MED13: variants seen among roughly 807,000 people sequenced by gnomAD.
MED13 encodes the protein mediator complex subunit 13.
MED13 carries 23 observed loss-of-function variants against 225.2 expected under a neutral mutation model. The observed-to-expected ratio is 0.10, with a 90% confidence interval of 0.07 to 0.14. MED13 has a LOEUF of 0.14. Among genes scored for constraint, MED13 ranks in the 10% least tolerant of loss-of-function variants. MED13 has a pLI of 1.00. For missense variants in MED13, 2,197 were observed against 2,594.5 expected (o/e 0.85, Z 3.33); for synonymous variants, 942 against 889.2 (o/e 1.06, Z -1.06).
At position 61,987,029 on chromosome 17, in the gene MED13, T is replaced by C. The variant is rs1260954299; in HGVS notation, c.2363A>G (p.Asn788Ser). 8.8e-6 allele frequency: 14 copies of C among 1,588,420 alleles called. No individual in the cohort carries two copies. The highest frequency in any genetic ancestry group is 1.7e-4 in the Middle Eastern group (1 of 6,010). The change falls in exon 12 of 30, where the codon AAT becomes AGT. Residue 788 changes from asparagine (N) to serine (S), a missense_variant. Asn to Ser is a conservative substitution (Grantham distance 46). Around this residue, in one of 12 missense-constraint regions of MED13, gnomAD observed 41 missense variants for 55.8 expected, o/e 0.73. Transcript: ENST00000397786. ...CACTGTTAGTTCATCTTCATCAGAATTGAAGAGATTATCAAGGTCAGTATA... is the reference window on the plus strand; with the variant it reads ...CACTGTTAGTTCATCTTCATCAGAACTGAAGAGATTATCAAGGTCAGTATA... ...VSYTDLDNLF[N>S]SDEDELTPGS...
At chr17:61,947,315 G>C (rs780010782) in intron 28 of MED13, among the ~76,000 whole-genome samples, 3 of 151,808 alleles carry the variant, frequency 2.0e-5, no homozygotes, top group Non-Finnish European at 2.9e-5. Flanking sequence ...TTACACGCAT[G>C]AGCCACTGTG....
chr17:62,011,205 C>T lies in MED13; in HGVS notation c.1312G>A (p.Gly438Arg). 6.2e-7 allele frequency: 1 copy of T among 1,608,458 alleles called. No homozygotes were observed. Among genetic ancestry groups the T allele is most frequent in the Non-Finnish European group, 8.5e-7 (1 of 1,177,894 alleles). Residue 438 changes from glycine to arginine, a missense_variant, in exon 9 of 30, where the codon GGA (glycine) becomes AGA (arginine). By Grantham distance (125) the Gly-to-Arg change is moderately radical. Transcript: ENST00000397786. ...RHKNLKSRNA[G>R]QQGQAPSLGQ... ...AAAGATGGTGCCTGTCCTTGTTGTC[C>T]AGCATTTCTTGACTTGAGATTTTTG...
At chr17:61,972,285 TCA>T (rs1260542858) in intron 17 of MED13, among the ~76,000 whole-genome samples, 1 of 152,238 alleles carries the variant, frequency 6.6e-6, no homozygotes, top group East Asian at 1.9e-4. Flanking sequence ...GCTACTCTGG[TCA>T]CAACCAGCAA....
chr17:62,014,886 T>C (rs1603402575), intron 8 of MED13, among the ~76,000 whole-genome samples: 1 of 152,194 alleles, frequency 6.6e-6, no homozygotes, highest in Admixed American at 6.5e-5. Context: ...CTAACACAGC[T>C]AGTATTGGAT....
chr17:61,997,449 C>T (rs1281145454), intron 9 of MED13, among the ~76,000 whole-genome samples: 5 of 152,138 alleles, frequency 3.3e-5, no homozygotes, highest in African/African-American at 1.2e-4. Context: ...TACCTCACCA[C>T]ATTAGACTCT....
chr17:61,976,159 C>A (rs2080154279), intron 16 of MED13, among the ~76,000 whole-genome samples: 2 of 152,248 alleles, frequency 1.3e-5, no homozygotes, highest in African/African-American at 4.8e-5. Context: ...TGGAAAAAAT[C>A]TAAATATCCA....
At chr17:61,979,547 G>T (rs560083130) in intron 16 of MED13, among the ~76,000 whole-genome samples, 29 of 152,024 alleles carry the variant, frequency 1.9e-4, no homozygotes, top group African/African-American at 6.8e-4. Flanking sequence ...GGGCTCAAAT[G>T]ATCTGCCTGC....
intron 8 of MED13, among the ~76,000 whole-genome samples, chr17:62,026,537 T>C (rs1038290642): frequency 7.2e-6 from 1 of 138,726 alleles, no homozygotes; most frequent in African/African-American, 2.7e-5. Flanking sequence ...TGGCACAAGA[T>C]AAGAATGCCT....
chr17:61,972,604 C>CAGTAGT, intron 17 of MED13, 123 bp downstream of exon 17: 1 of 881,068 alleles, frequency 1.1e-6, no homozygotes, highest in Non-Finnish European at 1.7e-6. Context: ...GATTGGACCA[C>CAGTAGT]AGTGGCCTTA....
At chr17:62,002,764 G>C (rs892062764) in intron 9 of MED13, among the ~76,000 whole-genome samples, 1 of 152,190 alleles carries the variant, frequency 6.6e-6, no homozygotes, top group Non-Finnish European at 1.5e-5. Flanking sequence ...TCTCACTCTA[G>C]TTTGGAGTGA....
chr17:61,961,156 G>C, intron 22 of MED13, 66 bp from the exon 23 acceptor site: 1 of 1,291,276 alleles, frequency 7.7e-7, no homozygotes, highest in Non-Finnish European at 1.1e-6. Context: ...CATTTAAAAT[G>C]TAATTCTTAT....
chr17:61,961,170 C>A, intron 22 of MED13, 80 bp from the exon 23 acceptor site: 1 of 1,175,712 alleles, frequency 8.5e-7, no homozygotes. Flanking sequence ...TTCTTATCTA[C>A]CCAATTATAA....
intron 17 of MED13, among the ~76,000 whole-genome samples, chr17:61,968,928 T>G (rs2080082791): frequency 6.6e-6 from 1 of 152,012 alleles, no homozygotes; most frequent in Admixed American, 6.5e-5. Context: ...ATTTTTAAAG[T>G]TTTTGTAGAG....
intron 20 of MED13, 99 bp downstream of exon 20, chr17:61,964,907 G>T: frequency 1.7e-6 from 2 of 1,153,656 alleles, no homozygotes; most frequent in Non-Finnish European, 2.4e-6. Flanking sequence ...CTGCAGTACA[G>T]CCTGCGCAAA....
At chr17:62,028,127 A>G (rs961784189) in intron 8 of MED13, among the ~76,000 whole-genome samples, 1 of 152,232 alleles carries the variant, frequency 6.6e-6, no homozygotes, top group South Asian at 2.1e-4. Flanking sequence ...ACTATTCACA[A>G]TAGCAAAGAC....
chr17:61,999,865 T>C (rs1359401942), intron 9 of MED13, among the ~76,000 whole-genome samples: 1 of 152,068 alleles, frequency 6.6e-6, no homozygotes, highest in African/African-American at 2.4e-5. Flanking sequence ...AAGACCAGCC[T>C]GGACAACATA....
chr17:62,059,517 C>G (rs2081021510), intron 2 of MED13, among the ~76,000 whole-genome samples: 1 of 152,214 alleles, frequency 6.6e-6, no homozygotes, highest in Non-Finnish European at 1.5e-5. Flanking sequence ...TTAGTTACCA[C>G]CTGGGTCCTT....
At chr17:62,036,447 C>G (rs2080804436) in intron 3 of MED13, among the ~76,000 whole-genome samples, 1 of 152,090 alleles carries the variant, frequency 6.6e-6, no homozygotes, top group Admixed American at 6.6e-5. Flanking sequence ...TTAGAAGGGT[C>G]AAGTTGCGCA....
chr17:62,044,790 T>C (rs187188633), intron 3 of MED13, among the ~76,000 whole-genome samples: 54 of 152,278 alleles, frequency 3.5e-4, no homozygotes, highest in African/African-American at 1.3e-3. Flanking sequence ...GCCTCCCAAG[T>C]AGCTGGAATT....
Sources: allele counts gnomAD v4.1 joint callset (sites outside exome capture counted in the v4.1 genomes callset), GRCh38; gene constraint gnomAD v4.1.1; regional missense constraint gnomAD v4.1.1; transcripts MANE v1.5; gene names NCBI Gene and HGNC (gene_info 2026-07-23, HGNC 2026-07-21).